The following CACNA1B variants were observed in gnomAD, a reference collection of about 807,000 sequenced individuals.
CACNA1B encodes the protein voltage-dependent N-type calcium channel subunit alpha-1B.
In CACNA1B, 70 loss-of-function variants were observed where a neutral mutation model predicts 247.2. The ratio of observed to expected loss-of-function variants is 0.28; its 90% confidence interval spans 0.23 to 0.35. The LOEUF (loss-of-function observed/expected upper bound fraction) is 0.35, where lower values mean the gene tolerates loss of function less well. CACNA1B is among the 10% of genes least tolerant of loss of function. The probability of loss-of-function intolerance (pLI) is 1.00; values close to 1 mark genes in which losing one functional copy is unlikely to be tolerated. For synonymous variants in CACNA1B, 1,231 were observed against 1,294.4 expected, an observed-to-expected ratio of 0.95 and a Z score of 1.05; for missense variants, 2,367 against 3,197.4, an observed-to-expected ratio of 0.74 and a Z score of 6.26.
At position 137,881,165 on chromosome 9, in the gene CACNA1B, G is replaced by A. The variant is rs897753742; in HGVS notation, c.391-1579G>A. On this transcript the variant is annotated intron_variant, in intron 2 of 46. Transcript: ENST00000371372. The surrounding 1 kb of genome is among the most constrained non-coding windows in gnomAD (Gnocchi z 4.3). ...CTGCTGCGGCCCCACTGTTCCCCTG[G>A]GGCAGATGGTCAGCAACCCCACCCC... is the stretch of plus-strand genomic sequence containing the variant. Among the ~76,000 whole-genome samples, 8 of 152,144 alleles carry A rather than the reference G, an allele frequency of 5.3e-5. No individual in the cohort carries two copies. The highest frequency in any genetic ancestry group is 1.9e-4 in the African/African-American group (8 of 41,434).
intron 35 of CACNA1B, among the ~76,000 whole-genome samples, chr9:138,077,627 A>G (rs1960372824): frequency 6.6e-6 from 1 of 152,156 alleles, no homozygotes; most frequent in Non-Finnish European, 1.5e-5. Context: ...AGCACAGGGC[A>G]GGTCATGGTC....
chr9:137,986,360 G>A lies in CACNA1B; in HGVS notation c.1770-53G>A. Reference sequence around the variant, plus strand: ...CTTAAGTGTGGCTGCAGAGAGCCATGAATGTGAAGTCAGCGTCTGGAGCTG... The same window carrying A: ...CTTAAGTGTGGCTGCAGAGAGCCATAAATGTGAAGTCAGCGTCTGGAGCTG... On this transcript the variant is annotated intron_variant, in intron 13 of 46. Transcript: ENST00000371372. The surrounding 1 kb of genome is among the most constrained non-coding windows in gnomAD (Gnocchi z 6.0). 6.2e-7 allele frequency: 1 copy of A among 1,603,656 alleles called. No individual in the cohort carries two copies. The highest frequency in any genetic ancestry group is 8.5e-7 in the Non-Finnish European group (1 of 1,174,400).
intron 10 of CACNA1B, among the ~76,000 whole-genome samples, chr9:137,969,120 A>G (rs1394698278): frequency 6.6e-6 from 1 of 152,140 alleles, no homozygotes; most frequent in Non-Finnish European, 1.5e-5. Context: ...GAACAAATGC[A>G]TCTGTCTTGG....
At chr9:138,068,235 G>T (rs10867100) in intron 31 of CACNA1B, among the ~76,000 whole-genome samples, 22,595 of 152,192 alleles carry the variant, frequency 0.15, 4,714 homozygotes, top group African/African-American at 0.46. Flanking sequence ...GGAAGGTAGT[G>T]GCTGCATCTG....
intron 31 of CACNA1B, 66 bp from the exon 32 acceptor site, chr9:138,069,692 G>T: frequency 7.9e-7 from 1 of 1,264,830 alleles, no homozygotes; most frequent in Non-Finnish European, 1.2e-6. Context: ...TTGTGCACCT[G>T]CTGCTCAAAC....
rs1219725359 is a variant in CACNA1B, at chr9:138,102,148, C to T, written c.5223-563C>T. The stretch of plus-strand genomic sequence containing the variant: ...AGGTTAGGTTTTGGCTGTACAGCTT[C>T]AGGGCTCCCTGTTTAGTTTTCTGGT... On this transcript the variant is annotated intron_variant, in intron 37 of 46. Transcript: ENST00000371372. The surrounding 1 kb of genome is among the most constrained non-coding windows in gnomAD (Gnocchi z 5.4). 6.6e-6 allele frequency among the ~76,000 whole-genome samples: 1 copy of T among 152,194 alleles called. No homozygotes were observed. Among genetic ancestry groups the T allele is most frequent in the Non-Finnish European group, 1.5e-5 (1 of 68,040 alleles).
intron 36 of CACNA1B, among the ~76,000 whole-genome samples, chr9:138,092,774 T>C (rs1564282576): frequency 6.6e-6 from 1 of 152,216 alleles, no homozygotes; most frequent in Admixed American, 6.5e-5. Flanking sequence ...ATTATAAAAG[T>C]ATTAATTTGG....
At chr9:138,031,481 G>A (rs935489184) in intron 20 of CACNA1B, among the ~76,000 whole-genome samples, 2 of 152,164 alleles carry the variant, frequency 1.3e-5, no homozygotes, top group African/African-American at 4.8e-5. Context: ...CATGCATTCT[G>A]TGTTGTTGAT....
intron 18 of CACNA1B, among the ~76,000 whole-genome samples, chr9:138,016,598 C>T (rs1267923365): frequency 6.6e-6 from 1 of 152,152 alleles, no homozygotes; most frequent in Non-Finnish European, 1.5e-5. Context: ...GCGGCATCTC[C>T]GGAAAGGGCA....
intron 6 of CACNA1B, among the ~76,000 whole-genome samples, chr9:137,938,221 G>A (rs1363924109): frequency 2.0e-5 from 3 of 152,006 alleles, no homozygotes; most frequent in Non-Finnish European, 2.9e-5. Context: ...GAGAGAATTC[G>A]CTACTACCAA....
At chr9:137,940,633 A>C (rs1232441105) in intron 6 of CACNA1B, among the ~76,000 whole-genome samples, 2 of 152,210 alleles carry the variant, frequency 1.3e-5, no homozygotes, top group African/African-American at 4.8e-5. Context: ...ACTACAAACC[A>C]ATATCCCTGA....
intron 36 of CACNA1B, among the ~76,000 whole-genome samples, chr9:138,086,100 A>T (rs1960685520): frequency 6.6e-6 from 1 of 151,450 alleles, no homozygotes. Context: ...CCAGAAAACA[A>T]TTAACAAAAT....
In CACNA1B at chr9:138,052,470, C is replaced by G. The variant is rs1203441215; in HGVS notation, c.3807+282C>G. On this transcript the variant is annotated intron_variant, in intron 25 of 46. Coordinates refer to ENST00000371372, the MANE Select transcript of CACNA1B (RefSeq NM_000718.4). This position sits in a 1 kb window ranked among gnomAD's most constrained non-coding sequence, Gnocchi z 5.1. The stretch of plus-strand genomic sequence containing the variant: ...TGCAGTGCGGGAAAGGCTGCCGGGA[C>G]AGGTGCAGGGTGGTGGAGGGAGATG... 6.6e-6 allele frequency among the ~76,000 whole-genome samples: 1 copy of G among 152,076 alleles called. No individual in the cohort carries two copies. The highest frequency in any genetic ancestry group is 1.5e-5 in the Non-Finnish European group (1 of 68,018).
intron 13 of CACNA1B, among the ~76,000 whole-genome samples, chr9:137,985,497 G>A (rs1250958534): frequency 6.6e-6 from 1 of 152,234 alleles, no homozygotes; most frequent in Non-Finnish European, 1.5e-5. Context: ...AGTCCCAGGA[G>A]AAGGTTCAAT....
chr9:138,094,442 TAAAAA>T (rs753995157), intron 36 of CACNA1B, among the ~76,000 whole-genome samples: 2 of 93,760 alleles, frequency 2.1e-5, no homozygotes, highest in Non-Finnish European at 2.3e-5. Flanking sequence ...TTTACTACAG[TAAAAA>T]AAAAAAAAAA....
At chr9:137,928,929 T>C (rs1957580631) in intron 6 of CACNA1B, among the ~76,000 whole-genome samples, 2 of 152,228 alleles carry the variant, frequency 1.3e-5, no homozygotes, top group Admixed American at 1.3e-4. Context: ...GTATTGGTAT[T>C]TTTTTGTCAA....
chr9:137,991,314 C>T (rs926253000), intron 15 of CACNA1B, among the ~76,000 whole-genome samples: 1 of 152,158 alleles, frequency 6.6e-6, no homozygotes, highest in African/African-American at 2.4e-5. Flanking sequence ...TAGAATCGAA[C>T]AAGCTGAAGA....
rs1451102307 is a variant in CACNA1B at position 137,986,687 on chromosome 9, C to G, written c.1902-95C>G. 1 of 1,408,400 alleles carries G rather than the reference C, an allele frequency of 7.1e-7. No homozygotes were observed. The highest frequency in any genetic ancestry group is 1.0e-6 in the Non-Finnish European group (1 of 994,358). 87.2% of individuals were successfully genotyped at this position (1,408,400 alleles called of 1,614,324 possible). A position where few individuals can be genotyped will look rare whatever the true frequency, so the allele number is the denominator to read the frequency against. ...GGGGCCAGTGTGCAGCCATCTGCAG[C>G]CTGAAGCGAGCAGGTTGAGGCCACG... On this transcript the variant is annotated intron_variant, in intron 14 of 46. Coordinates refer to ENST00000371372, the MANE Select transcript of CACNA1B (RefSeq NM_000718.4). This position sits in a 1 kb window ranked among gnomAD's most constrained non-coding sequence, Gnocchi z 6.0.
In CACNA1B at chr9:137,954,018, C is replaced by T. The variant is rs932394849; in HGVS notation, c.1070+1641C>T. Among the ~76,000 whole-genome samples, 2 of 152,154 alleles carry T rather than the reference C, an allele frequency of 1.3e-5. No homozygotes were observed. The highest frequency in any genetic ancestry group is 2.9e-5 in the Non-Finnish European group (2 of 67,998). On this transcript the variant is annotated intron_variant, in intron 7 of 46. Transcript: ENST00000371372. The surrounding 1 kb of genome is among the most constrained non-coding windows in gnomAD (Gnocchi z 4.1). ...CCCTCTAGGGAATGTGCAGAATAGCCTGAGGGGCTGGAGGGGAGGCCCAAG... is the reference window on the plus strand; with the variant it reads ...CCCTCTAGGGAATGTGCAGAATAGCTTGAGGGGCTGGAGGGGAGGCCCAAG...
Sources: allele counts gnomAD v4.1 joint callset (sites outside exome capture counted in the v4.1 genomes callset), GRCh38; gene constraint gnomAD v4.1.1; non-coding constraint Gnocchi (gnomAD v3.1); transcripts MANE v1.5; gene names NCBI Gene and HGNC (gene_info 2026-07-23, HGNC 2026-07-21).